The following DNM1 variants were observed in gnomAD, a reference collection of about 807,000 sequenced individuals.
The protein encoded by DNM1 is dynamin-1.
Under a neutral mutation model 104.6 loss-of-function variants are expected in DNM1, and 29 were observed. That is an observed-to-expected ratio of 0.28 (90% CI 0.21 to 0.38). The LOEUF (loss-of-function observed/expected upper bound fraction) is 0.38, where lower values mean the gene tolerates loss of function less well. DNM1 is among the 10% of genes least tolerant of loss of function. The probability of loss-of-function intolerance (pLI) is 1.00; values close to 1 mark genes in which losing one functional copy is unlikely to be tolerated. For missense variants in DNM1, 640 were observed against 1,189.4 expected (o/e 0.54, Z 6.79); for synonymous variants, 445 against 475.8 (o/e 0.94, Z 0.84).
At chr9:128,252,883 C>A (rs904070477) in intron 21 of DNM1, 5 of 684,816 alleles carry the variant, frequency 7.3e-6, no homozygotes, top group African/African-American at 7.0e-5. Context: ...ATGCTGCACG[C>A]GCCGCCGGCC....
rs1836287316 is a variant in DNM1, at chr9:128,240,344, C to T, written c.1557+348C>T. The T allele has an allele frequency of 3.3e-6, 1 of 306,846 alleles. No individual in the cohort carries two copies. The highest frequency in any genetic ancestry group is 3.9e-5 in the South Asian group (1 of 25,844). The allele number at this position is 306,846 out of a possible 1,614,324, so 19.0% of individuals were successfully genotyped here. A position where few individuals can be genotyped will look rare whatever the true frequency, so the allele number is the denominator to read the frequency against. Reference sequence around the variant, plus strand: ...TTAAGAAGCTGACAGCCATCGCCTCCGGACTTGAATGAAGAGACGAATGAG... The same window carrying T: ...TTAAGAAGCTGACAGCCATCGCCTCTGGACTTGAATGAAGAGACGAATGAG... On this transcript the variant is annotated intron_variant, in intron 14 of 21. Coordinates refer to ENST00000372923, the MANE Select transcript of DNM1 (RefSeq NM_004408.4). This position sits in a 1 kb window ranked among gnomAD's most constrained non-coding sequence, Gnocchi z 5.1.
At chr9:128,215,562 C>T (rs1265693343) in intron 1 of DNM1, among the ~76,000 whole-genome samples, 1 of 152,222 alleles carries the variant, frequency 6.6e-6, no homozygotes, top group Non-Finnish European at 1.5e-5. Flanking sequence ...AGCTACTTGC[C>T]CTTTAAGTAG....
rs953022292 is a variant in DNM1, at chr9:128,243,831, G to A, written c.1671+1486G>A. Among the ~76,000 whole-genome samples the A allele has an allele frequency of 6.6e-6, 1 of 152,194 alleles. No homozygotes were observed. The highest frequency in any genetic ancestry group is 2.4e-5 in the African/African-American group (1 of 41,440). On this transcript the variant is annotated intron_variant, in intron 15 of 21. Transcript: ENST00000372923. This position sits in a 1 kb window ranked among gnomAD's most constrained non-coding sequence, Gnocchi z 4.0. ...ATGCCTGAGCCTGCAGGCCTTTCTG[G>A]AGCTTTTGTGTACATCTGAGTTAAG...
chr9:128,220,849 G>GAGT lies in DNM1; in HGVS notation c.849+508_849+509insAGT, dbSNP rs1834927790. ...ACTCCCCCTCTGAGACACTCTCTCTGGCTCTCTGAGCCTCTATTTCTTTTT... is the reference window on the plus strand; with the variant it reads ...ACTCCCCCTCTGAGACACTCTCTCTGAGTGCTCTCTGAGCCTCTATTTCTTTTT... On this transcript the variant is annotated intron_variant, in intron 6 of 21. Coordinates refer to ENST00000372923, the MANE Select transcript of DNM1 (RefSeq NM_004408.4). This position sits in a 1 kb window ranked among gnomAD's most constrained non-coding sequence, Gnocchi z 5.2. Among the ~76,000 whole-genome samples, 1 of 150,314 alleles carries GAGT rather than the reference G, an allele frequency of 6.7e-6. No individual in the cohort carries two copies. The highest frequency in any genetic ancestry group is 1.5e-5 in the Non-Finnish European group (1 of 67,384).
At position 128,224,244 on chromosome 9, in the gene DNM1, C is replaced by A. The variant is rs41306488; in HGVS notation, c.1197-7C>A. On this transcript the variant is annotated splice_region_variant and splice_polypyrimidine_tract_variant and intron_variant, in intron 9 of 21. Coordinates refer to ENST00000372923, the MANE Select transcript of DNM1 (RefSeq NM_004408.4). The surrounding 1 kb of genome is among the most constrained non-coding windows in gnomAD (Gnocchi z 4.3). ...CACTCTGCCCTTCTCCCGCTCCGGG[C>A]GTTCAGAACGGGGCTGTTTACCCCA... 4 of 1,612,624 alleles carry A rather than the reference C, an allele frequency of 2.5e-6. No individual in the cohort carries two copies. In the East Asian group the frequency reaches 8.9e-5, roughly 36 times the overall value.
At chr9:128,242,396 A>C in intron 15 of DNM1, 51 bp downstream of exon 15, 1 of 1,044,288 alleles carries the variant, frequency 9.6e-7, no homozygotes, top group Non-Finnish European at 1.5e-6. Flanking sequence ...GGACAGAGTC[A>C]GGCTCAGACC....
intron 10 of DNM1, chr9:128,231,928 C>A: frequency 2.2e-6 from 1 of 449,666 alleles, no homozygotes; most frequent in South Asian, 1.6e-5. Flanking sequence ...ACCCGGTGGG[C>A]TCCAGGCTGA....
intron 15 of DNM1, chr9:128,244,898 C>T (rs770192040): frequency 1.2e-5 from 5 of 426,878 alleles, no homozygotes; most frequent in Non-Finnish European, 2.0e-5. Flanking sequence ...GATCCGAGAA[C>T]CCCCCAACCC....
At chr9:128,210,852 T>C (rs1457846716) in intron 1 of DNM1, among the ~76,000 whole-genome samples, 2 of 149,016 alleles carry the variant, frequency 1.3e-5, no homozygotes, top group East Asian at 4.1e-4. Flanking sequence ...TGTCTCCTCC[T>C]CTCCTCTTCC....
chr9:128,206,479 A>G (rs1833981125), intron 1 of DNM1, among the ~76,000 whole-genome samples: 2 of 152,066 alleles, frequency 1.3e-5, no homozygotes, highest in South Asian at 4.2e-4. Context: ...AAGACTCTGC[A>G]CTGCAGAGGG....
intron 11 of DNM1, among the ~76,000 whole-genome samples, chr9:128,238,412 C>A (rs558017604): frequency 2.0e-5 from 3 of 151,728 alleles, no homozygotes; most frequent in Non-Finnish European, 4.4e-5. Flanking sequence ...TTAGTAGAGA[C>A]GGGATTTCTC....
rs1242067754 is a variant in DNM1 at position 128,241,728 on chromosome 9, T to C, written c.1558-504T>C. On this transcript the variant is annotated intron_variant, in intron 14 of 21. Coordinates refer to ENST00000372923, the MANE Select transcript of DNM1 (RefSeq NM_004408.4). ...TCATTATGGGAATCCTGATTTATAC[T>C]GGGGGACAGGAAGGGGCTGCCTGAG... Among the ~76,000 whole-genome samples, 5 of 152,250 alleles carry C rather than the reference T, an allele frequency of 3.3e-5. No individual in the cohort carries two copies. In the East Asian group the frequency reaches 9.6e-4, roughly 29 times the overall value.
At chr9:128,246,242 G>A (rs1352651169) in intron 15 of DNM1, 152 bp from the exon 16 acceptor site, 7 of 631,128 alleles carry the variant, frequency 1.1e-5, no homozygotes, top group African/African-American at 3.6e-5. Context: ...GGAGGCCTAC[G>A]GTCCGTGGCC....
At chr9:128,239,600 GTGT>G in intron 12 of DNM1, 85 bp downstream of exon 12, 1 of 1,277,984 alleles carries the variant, frequency 7.8e-7, no homozygotes, top group South Asian at 1.3e-5. Flanking sequence ...GTGTGTGTGT[GTGT>G]GTGTGTGTGT....
At position 128,248,115 on chromosome 9, in the gene DNM1, T is replaced by G. The variant is rs1836939435; in HGVS notation, c.1905+180T>G. On this transcript the variant is annotated intron_variant, in intron 18 of 21. Coordinates refer to ENST00000372923, the MANE Select transcript of DNM1 (RefSeq NM_004408.4). The surrounding 1 kb of genome is among the most constrained non-coding windows in gnomAD (Gnocchi z 5.6). ...AGGCCGAGGTGGGCGGATCACAAGG[T>G]CAGGAGTTCGAGACCAGCCTGGCCA... 1 of 790,796 alleles carries G rather than the reference T, an allele frequency of 1.3e-6. No individual in the cohort carries two copies. Among genetic ancestry groups the G allele is most frequent in the Admixed American group, 2.1e-5 (1 of 48,158 alleles). The allele number at this position is 790,796 out of a possible 1,614,324, so 49.0% of individuals were successfully genotyped here.
At chr9:128,233,353 G>A (rs909292218) in intron 10 of DNM1, among the ~76,000 whole-genome samples, 4 of 152,146 alleles carry the variant, frequency 2.6e-5, no homozygotes, top group Non-Finnish European at 5.9e-5. Flanking sequence ...GCCAGGCCCC[G>A]CGGGGTACTG....
chr9:128,248,408 G>A lies in DNM1; in HGVS notation c.1906-175G>A, dbSNP rs1836959214. 1.6e-6 allele frequency: 1 copy of A among 636,556 alleles called. No homozygotes were observed. The highest frequency in any genetic ancestry group is 2.6e-6 in the Non-Finnish European group (1 of 379,606). 39.4% of individuals were successfully genotyped at this position (636,556 alleles called of 1,614,324 possible). On this transcript the variant is annotated intron_variant, in intron 18 of 21. Transcript: ENST00000372923. This position sits in a 1 kb window ranked among gnomAD's most constrained non-coding sequence, Gnocchi z 5.6. The stretch of plus-strand genomic sequence containing the variant: ...CAGAACCAAGACAAGGCTGAATCAG[G>A]GGAGTCTAGGGTCCTGAGAGGCACA...
chr9:128,232,437 C>T (rs1248203726), intron 10 of DNM1: 3 of 174,254 alleles, frequency 1.7e-5, no homozygotes, highest in Admixed American at 1.2e-4. Flanking sequence ...GGCACAGCCA[C>T]GGGATGATGG....
At position 128,219,611 on chromosome 9, in the gene DNM1, G is replaced by T. The variant is rs569955350; in HGVS notation, c.589+359G>T. Among the ~76,000 whole-genome samples, 60 of 152,216 alleles carry T rather than the reference G, an allele frequency of 3.9e-4. 1 individual carries two copies. In the South Asian group the frequency reaches 8.1e-3, roughly 20 times the overall value. ...TTGAGCCCAGGAGGTTGAGGCTGCAGTGAGCCCTACTCGCACCACTGCAGT... is the reference window on the plus strand; with the variant it reads ...TTGAGCCCAGGAGGTTGAGGCTGCATTGAGCCCTACTCGCACCACTGCAGT... On this transcript the variant is annotated intron_variant, in intron 4 of 21. Coordinates refer to ENST00000372923, the MANE Select transcript of DNM1 (RefSeq NM_004408.4).
Sources: gnomAD v4.1 joint callset for allele counts (sites outside exome capture counted in the v4.1 genomes callset) on GRCh38, gnomAD v4.1.1 for gene constraint, Gnocchi (gnomAD v3.1) non-coding constraint, MANE v1.5 for transcripts, NCBI Gene and HGNC (gene_info 2026-07-23, HGNC 2026-07-21) for gene names.